Variants in ANK2 observed in about 807,000 individuals in gnomAD.
The protein encoded by ANK2 is ankyrin 2, also known as ankyrin-2.
ANK2 carries 83 observed loss-of-function variants against 360.5 expected under a neutral mutation model. That is an observed-to-expected ratio of 0.23 (90% CI 0.19 to 0.28). ANK2 has a LOEUF of 0.28. Ranked by LOEUF, ANK2 falls within the 10% of genes least tolerant of loss-of-function variation. ANK2 has a pLI of 1.00. For synonymous variants in ANK2, 1,740 were observed against 1,759.5 expected (o/e 0.99, Z 0.28); for missense variants, 4,201 against 4,795.7 (o/e 0.88, Z 3.66).
chr4:112,714,825 T>C, the ANK2 span, among the ~76,000 whole-genome samples: 2 of 152,236 alleles, frequency 1.3e-5, no homozygotes, highest in Admixed American at 1.3e-4. Context: ...GGGTAGATTA[T>C]GGTATATTAA....
intron 1 of ANK2, among the ~76,000 whole-genome samples, chr4:113,050,697 T>G (rs1168116323): frequency 6.6e-6 from 1 of 152,148 alleles, no homozygotes; most frequent in African/African-American, 2.4e-5. Flanking sequence ...GGAGCAATAA[T>G]ATGGGCAGGA....
At chr4:112,719,742 A>AT in the ANK2 span, among the ~76,000 whole-genome samples, 1 of 150,162 alleles carries the variant, frequency 6.7e-6, no homozygotes, top group Non-Finnish European at 1.5e-5. Context: ...AAAAAAAAAA[A>AT]GAAGGTATAA....
intron 1 of ANK2, among the ~76,000 whole-genome samples, chr4:112,821,426 A>G (rs1394310470): frequency 6.6e-6 from 1 of 152,102 alleles, no homozygotes; most frequent in Non-Finnish European, 1.5e-5. Context: ...TTTGTGGGTC[A>G]TGTGATGAGA....
At chr4:113,104,947 G>A (rs757649676) in intron 1 of ANK2, among the ~76,000 whole-genome samples, 27 of 152,138 alleles carry the variant, frequency 1.8e-4, no homozygotes, top group Non-Finnish European at 3.4e-4. Context: ...AGCAGAAACA[G>A]GATGTAACTC....
At chr4:112,805,134 G>A in the ANK2 span, among the ~76,000 whole-genome samples, 1 of 152,156 alleles carries the variant, frequency 6.6e-6, no homozygotes, top group Non-Finnish European at 1.5e-5. Context: ...CCCTGAATGC[G>A]AAGTAGCCAC....
the ANK2 span, among the ~76,000 whole-genome samples, chr4:112,781,727 A>G: frequency 6.6e-6 from 1 of 152,108 alleles, no homozygotes; most frequent in African/African-American, 2.4e-5. Flanking sequence ...TTGCAACATA[A>G]AGTTTACTTA....
intron 2 of ANK2, among the ~76,000 whole-genome samples, chr4:112,950,038 G>C (rs2094830877): frequency 6.6e-6 from 1 of 152,036 alleles, no homozygotes; most frequent in African/African-American, 2.4e-5. Context: ...TCACTTTTTT[G>C]GTCTGCTTGG....
intron 24 of ANK2, among the ~76,000 whole-genome samples, chr4:113,312,472 T>G (rs1236339987): frequency 6.6e-6 from 1 of 152,048 alleles, no homozygotes; most frequent in Non-Finnish European, 1.5e-5. Flanking sequence ...TTTCTTGGGC[T>G]TTTTCCTTGA....
rs747628704 is a variant in ANK2 at position 113,255,791 on chromosome 4, G to A, written c.1047G>A (p.Lys349=). Residue 349 remains lysine (K), a synonymous_variant, in exon 11 of 46, where the codon AAG becomes AAA. Transcript: ENST00000357077. Reference sequence around the variant, plus strand: ...AGGGAGACCACGTGGAATGTGTGAAGCACCTGTTACAGCACAAGGCACCTG... The same window carrying A: ...AGGGAGACCACGTGGAATGTGTGAAACACCTGTTACAGCACAAGGCACCTG... ...AAQGDHVECV[K]HLLQHKAPVD... The A allele has an allele frequency of 3.7e-6, 6 of 1,614,066 alleles. No individual in the cohort carries two copies. The highest frequency in any genetic ancestry group is 5.1e-6 in the Non-Finnish European group (6 of 1,180,032).
At chr4:112,706,940 T>C in the ANK2 span, 2 of 152,214 alleles carry the variant, frequency 1.3e-5, no homozygotes, top group Admixed American at 1.3e-4. Context: ...CTGGTTGTGA[T>C]CTGTGATTTG....
intron 41 of ANK2, among the ~76,000 whole-genome samples, chr4:113,366,585 C>T (rs1451224990): frequency 6.6e-6 from 1 of 151,950 alleles, no homozygotes; most frequent in Non-Finnish European, 1.5e-5. Context: ...GGAGCACCCT[C>T]TGCATTCTCC....
At chr4:113,181,831 G>A (rs893681498) in intron 2 of ANK2, among the ~76,000 whole-genome samples, 1 of 152,186 alleles carries the variant, frequency 6.6e-6, no homozygotes, top group Non-Finnish European at 1.5e-5. Flanking sequence ...AAGCGTAGGA[G>A]GAGGTTGGGG....
the ANK2 span, among the ~76,000 whole-genome samples, chr4:112,717,781 T>TAA: frequency 8.0e-6 from 1 of 125,676 alleles, no homozygotes; most frequent in East Asian, 2.3e-4. Context: ...ATATTTACTT[T>TAA]AAAAAAAAAA....
intron 1 of ANK2, among the ~76,000 whole-genome samples, chr4:112,888,477 C>T (rs566393442): frequency 3.9e-5 from 6 of 151,934 alleles, no homozygotes; most frequent in African/African-American, 1.4e-4. Context: ...AAGATATAAT[C>T]AATATGAAAA....
At chr4:113,265,081 T>C (rs142344262) in intron 14 of ANK2, 86 bp downstream of exon 14, 2 of 1,233,610 alleles carry the variant, frequency 1.6e-6, no homozygotes, top group East Asian at 2.5e-5. Context: ...AGTTCCTTGA[T>C]TTGGAAATAC....
At chr4:112,764,857 GCCACCA>G in the ANK2 span, among the ~76,000 whole-genome samples, 2 of 151,716 alleles carry the variant, frequency 1.3e-5, no homozygotes, top group African/African-American at 4.8e-5. Context: ...ACAGGCATGT[GCCACCA>G]CCCTGGCTAA....
At chr4:112,723,629 G>C in the ANK2 span, among the ~76,000 whole-genome samples, 2 of 152,110 alleles carry the variant, frequency 1.3e-5, no homozygotes, top group African/African-American at 2.4e-5. Flanking sequence ...CTCCCAAAGT[G>C]CTGGGATTAC....
At chr4:112,886,182 A>G (rs1466263797) in intron 1 of ANK2, among the ~76,000 whole-genome samples, 1 of 152,180 alleles carries the variant, frequency 6.6e-6, no homozygotes, top group Non-Finnish European at 1.5e-5. Context: ...AGACTCCATG[A>G]GGCCTAGGAG....
chr4:112,774,524 C>G, the ANK2 span, among the ~76,000 whole-genome samples: 1 of 152,164 alleles, frequency 6.6e-6, no homozygotes, highest in Non-Finnish European at 1.5e-5. Context: ...GAGACTCCGT[C>G]TCAAAAATAA....
Sources: gnomAD v4.1 joint callset for allele counts (sites outside exome capture counted in the v4.1 genomes callset) on GRCh38, gnomAD v4.1.1 for gene constraint, MANE v1.5 for transcripts, NCBI Gene and HGNC (gene_info 2026-07-23, HGNC 2026-07-21) for gene names.